KCNIP4: variants seen among roughly 807,000 people sequenced by gnomAD.
KCNIP4 encodes Kv channel-interacting protein 4.
A neutral mutation model predicts 34.0 loss-of-function variants in KCNIP4; 12 were observed. That is an observed-to-expected ratio of 0.35 (90% confidence interval 0.23 to 0.57). The LOEUF is 0.57. Among genes scored for constraint, KCNIP4 ranks in the 20% least tolerant of loss-of-function variants. The pLI is 0.83. For missense variants in KCNIP4, 238 were observed against 311.7 expected, an observed-to-expected ratio of 0.76 and a Z score of 1.78; for synonymous variants, 124 against 102.2, an observed-to-expected ratio of 1.21 and a Z score of -1.29.
At chr4:20,735,635 C>T (rs1233561804) in intron 5 of KCNIP4, among the ~76,000 whole-genome samples, 1 of 148,848 alleles carries the variant, frequency 6.7e-6, no homozygotes, top group Non-Finnish European at 1.5e-5. Flanking sequence ...CTCCCAGGTT[C>T]AAGCCATTCT....
At chr4:21,382,218 T>C (rs1721573211) in intron 1 of KCNIP4, among the ~76,000 whole-genome samples, 1 of 152,146 alleles carries the variant, frequency 6.6e-6, no homozygotes, top group African/African-American at 2.4e-5. Context: ...AAAGAGACAG[T>C]ATGGCAGGCC....
At position 21,344,188 on chromosome 4, in the gene KCNIP4, G is replaced by T. The variant is rs139953193; in HGVS notation, c.62-461479C>A. Among the ~76,000 whole-genome samples, 862 of 152,250 alleles carry T rather than the reference G, an allele frequency of 5.7e-3. 6 individuals carry two copies. Among genetic ancestry groups the T allele is most frequent in the African/African-American group, 0.02 (821 of 41,558 alleles). ...ACCACAGACCCTGATAAGTCTATAGGACCAACCTACAAAAGGAAGTTGGGT... is the reference window on the plus strand; with the variant it reads ...ACCACAGACCCTGATAAGTCTATAGTACCAACCTACAAAAGGAAGTTGGGT... On this transcript the variant is annotated intron_variant, in intron 1 of 8. Coordinates refer to ENST00000382152, the MANE Select transcript of KCNIP4 (RefSeq NM_025221.6).
chr4:21,424,519 C>T (rs1156534887), intron 1 of KCNIP4, among the ~76,000 whole-genome samples: 7 of 151,800 alleles, frequency 4.6e-5, no homozygotes, highest in Non-Finnish European at 8.8e-5. Flanking sequence ...TTGCAGTTAG[C>T]TGAGATTGGC....
chr4:21,077,773 C>A (rs1745625727), intron 1 of KCNIP4, among the ~76,000 whole-genome samples: 1 of 151,802 alleles, frequency 6.6e-6, no homozygotes, highest in Admixed American at 6.6e-5. Context: ...GGGAATAATC[C>A]TTTTTATTAT....
chr4:21,704,021 C>T (rs1241013696), intron 1 of KCNIP4, among the ~76,000 whole-genome samples: 1 of 152,124 alleles, frequency 6.6e-6, no homozygotes, highest in East Asian at 1.9e-4. Flanking sequence ...AGAAATAGAG[C>T]CACACAATTA....
chr4:21,031,173 C>G (rs1053805092), intron 1 of KCNIP4, among the ~76,000 whole-genome samples: 4 of 152,228 alleles, frequency 2.6e-5, no homozygotes, highest in African/African-American at 9.6e-5. Context: ...CCCATTCCCA[C>G]TTCTTCACAT....
chr4:21,040,868 A>AT (rs1334655007), intron 1 of KCNIP4, among the ~76,000 whole-genome samples: 3 of 151,118 alleles, frequency 2.0e-5, no homozygotes, highest in Non-Finnish European at 4.4e-5. Context: ...TCTAAGTGGA[A>AT]TTTTTTTTAC....
At chr4:21,103,846 G>T (rs1332472976) in intron 1 of KCNIP4, among the ~76,000 whole-genome samples, 1 of 147,146 alleles carries the variant, frequency 6.8e-6, no homozygotes, top group African/African-American at 2.5e-5. Flanking sequence ...TTGGTTTTTT[G>T]TCCTTGCGAT....
chr4:21,719,603 G>A (rs763496184), intron 1 of KCNIP4, among the ~76,000 whole-genome samples: 2 of 152,158 alleles, frequency 1.3e-5, no homozygotes, highest in Admixed American at 6.6e-5. Context: ...GTTCAGTAGA[G>A]TCTAGTACTG....
At chr4:21,618,363 A>C (rs1354793576) in intron 1 of KCNIP4, among the ~76,000 whole-genome samples, 1 of 152,200 alleles carries the variant, frequency 6.6e-6, no homozygotes, top group East Asian at 1.9e-4. Context: ...TATAAAATTG[A>C]TAATAAGGTA....
intron 1 of KCNIP4, among the ~76,000 whole-genome samples, chr4:21,491,359 T>A (rs1275734746): frequency 6.6e-6 from 1 of 152,090 alleles, no homozygotes; most frequent in Non-Finnish European, 1.5e-5. Context: ...GAAAGAGAAC[T>A]GGGTCTCTGA....
chr4:21,075,393 T>A (rs1433461810), intron 1 of KCNIP4, among the ~76,000 whole-genome samples: 1 of 152,224 alleles, frequency 6.6e-6, no homozygotes, highest in African/African-American at 2.4e-5. Flanking sequence ...CATTATGTAA[T>A]GGCCTTCTTT....
intron 1 of KCNIP4, among the ~76,000 whole-genome samples, chr4:21,703,457 G>T (rs147702012): frequency 6.6e-6 from 1 of 151,902 alleles, no homozygotes; most frequent in Non-Finnish European, 1.5e-5. Flanking sequence ...GCAAACTATC[G>T]CAAGGACAAA....
intron 1 of KCNIP4, among the ~76,000 whole-genome samples, chr4:21,516,470 T>G (rs1299082444): frequency 6.6e-6 from 1 of 152,128 alleles, no homozygotes; most frequent in African/African-American, 2.4e-5. Flanking sequence ...GAGACAAGAT[T>G]GGTGGATGTT....
intron 1 of KCNIP4, among the ~76,000 whole-genome samples, chr4:21,017,292 C>G (rs1739628596): frequency 6.6e-6 from 1 of 152,196 alleles, no homozygotes; most frequent in Non-Finnish European, 1.5e-5. Context: ...AACCCATCAC[C>G]TGGGTATTAA....
At chr4:21,733,940 A>G (rs1715798725) in intron 1 of KCNIP4, among the ~76,000 whole-genome samples, 1 of 152,200 alleles carries the variant, frequency 6.6e-6, no homozygotes, top group Non-Finnish European at 1.5e-5. Flanking sequence ...TTGAGACAGT[A>G]TCATTCAGGA....
intron 1 of KCNIP4, among the ~76,000 whole-genome samples, chr4:20,913,337 T>C (rs2149573517): frequency 6.6e-6 from 1 of 151,992 alleles, no homozygotes; most frequent in East Asian, 1.9e-4. Flanking sequence ...GTTAGGAAAA[T>C]CCATAAAGAT....
chr4:21,289,608 A>G (rs1214443178), intron 1 of KCNIP4, among the ~76,000 whole-genome samples: 1 of 152,202 alleles, frequency 6.6e-6, no homozygotes, highest in Non-Finnish European at 1.5e-5. Context: ...AAAAAAATGT[A>G]TGAGATGTAC....
At chr4:21,512,797 G>C (rs7654737) in intron 1 of KCNIP4, among the ~76,000 whole-genome samples, 26,325 of 152,134 alleles carry the variant, frequency 0.17, 2,467 homozygotes, top group Non-Finnish European at 0.21. Flanking sequence ...TATTTCTTTT[G>C]GACTGAATAA....
Sources: allele counts gnomAD v4.1 joint callset (sites outside exome capture counted in the v4.1 genomes callset), GRCh38; gene constraint gnomAD v4.1.1; transcripts MANE v1.5; gene names NCBI Gene and HGNC (gene_info 2026-07-23, HGNC 2026-07-21).